The following MAGI2 variants were observed in gnomAD, a reference collection of about 807,000 sequenced individuals.
MAGI2 encodes membrane associated guanylate kinase, WW and PDZ domain containing 2, also known as membrane-associated guanylate kinase, WW and PDZ domain-containing protein 2.
In MAGI2, 35 loss-of-function variants were observed where a neutral mutation model predicts 133.3. The ratio of observed to expected loss-of-function variants is 0.26; its 90% confidence interval spans 0.20 to 0.35. The LOEUF is 0.35. Ranked by LOEUF, MAGI2 falls within the 10% of genes least tolerant of loss-of-function variation. The pLI is 1.00. For missense variants in MAGI2, 1,636 were observed against 1,863.4 expected (o/e 0.88, Z 2.25); for synonymous variants, 729 against 710.6 (o/e 1.03, Z -0.41).
rs375383240 is a variant in MAGI2 at position 78,231,403 on chromosome 7, C to T, written c.2047+24540G>A. On this transcript the variant is annotated intron_variant, in intron 10 of 21. Coordinates refer to ENST00000354212, the MANE Select transcript of MAGI2 (RefSeq NM_012301.4). ...AGCTGGGTGTTTTTGCATTCCTGGC[C>T]CCTGCGCTCTAAATGCCAGTAAGAA... is the stretch of plus-strand genomic sequence containing the variant. 2.0e-5 allele frequency among the ~76,000 whole-genome samples: 3 copies of T among 152,308 alleles called. No homozygotes were observed. The East Asian group carries it at 5.8e-4, about 29-fold the overall frequency.
chr7:79,196,946 T>TTA lies in MAGI2; in HGVS notation c.302-189742_302-189741dup, dbSNP rs566220274. 9.3e-3 allele frequency among the ~76,000 whole-genome samples: 1,413 copies of TTA among 151,730 alleles called. 30 individuals are homozygous for TTA. The highest frequency in any genetic ancestry group is 0.039 in the East Asian group (200 of 5,144). Reference sequence around the variant, plus strand: ...CCATGCCTAGTTAATTTTTGATTTTTTATATATATAGAGAGAGAGAGACTG... The same window carrying TTA: ...CCATGCCTAGTTAATTTTTGATTTTTTATATATATATAGAGAGAGAGAGACTG... On this transcript the variant is annotated intron_variant, in intron 1 of 21. Transcript: ENST00000354212.
intron 2 of MAGI2, among the ~76,000 whole-genome samples, chr7:79,000,858 G>A (rs928753865): frequency 3.9e-5 from 6 of 152,166 alleles, no homozygotes; most frequent in African/African-American, 1.4e-4. Context: ...GCGTAACTCA[G>A]TGTAATTCAA....
In MAGI2 at chr7:79,277,328, A is replaced by G. The variant is rs546750993; in HGVS notation, c.301+175692T>C. Among the ~76,000 whole-genome samples, 24 of 152,248 alleles carry G rather than the reference A, an allele frequency of 1.6e-4. No homozygotes were observed. The South Asian group carries it at 4.6e-3, about 29-fold the overall frequency. On this transcript the variant is annotated intron_variant, in intron 1 of 21. Transcript: ENST00000354212. ...CAATAAAATTTTTTAGTTAAAATAC[A>G]TACATTGTGTTTTTTTAGACATAAT... is the stretch of plus-strand genomic sequence containing the variant.
chr7:78,110,599 T>A (rs1009954088), intron 20 of MAGI2, among the ~76,000 whole-genome samples: 2 of 152,220 alleles, frequency 1.3e-5, no homozygotes, highest in Non-Finnish European at 2.9e-5. Flanking sequence ...GCAGGGGTGA[T>A]CCCCATATGG....
chr7:78,355,714 A>G (rs1462355017), intron 7 of MAGI2, among the ~76,000 whole-genome samples: 1 of 152,192 alleles, frequency 6.6e-6, no homozygotes, highest in African/African-American at 2.4e-5. Context: ...GACATGGGCT[A>G]TGTCTGGTAA....
chr7:79,444,966 G>C (rs1418767685), intron 1 of MAGI2, among the ~76,000 whole-genome samples: 2 of 152,086 alleles, frequency 1.3e-5, no homozygotes, highest in Non-Finnish European at 2.9e-5. Flanking sequence ...CCAAAACAGA[G>C]ATATAGACCA....
intron 9 of MAGI2, among the ~76,000 whole-genome samples, chr7:78,342,031 G>A (rs1232116787): frequency 6.6e-6 from 1 of 152,006 alleles, no homozygotes; most frequent in Non-Finnish European, 1.5e-5. Context: ...GCAACCTACA[G>A]AATGGGAGAA....
chr7:79,187,957 A>C (rs1023346121), intron 1 of MAGI2, among the ~76,000 whole-genome samples: 1 of 151,852 alleles, frequency 6.6e-6, no homozygotes, highest in Non-Finnish European at 1.5e-5. Context: ...AAATACAATA[A>C]TATTTTAGGC....
intron 9 of MAGI2, among the ~76,000 whole-genome samples, chr7:78,290,607 C>T (rs1298879563): frequency 6.6e-6 from 1 of 152,182 alleles, no homozygotes; most frequent in Non-Finnish European, 1.5e-5. Flanking sequence ...TAGACATCTA[C>T]AGAACTCTCC....
At chr7:78,445,746 C>T (rs1788068805) in intron 6 of MAGI2, among the ~76,000 whole-genome samples, 1 of 151,864 alleles carries the variant, frequency 6.6e-6, no homozygotes, top group Non-Finnish European at 1.5e-5. Flanking sequence ...TATTTGTAAG[C>T]TTAAATGTGA....
intron 2 of MAGI2, among the ~76,000 whole-genome samples, chr7:78,830,062 C>T (rs959270879): frequency 6.6e-6 from 1 of 152,014 alleles, no homozygotes; most frequent in Non-Finnish European, 1.5e-5. Context: ...TTTCTATTAA[C>T]ATTTCCATAA....
intron 21 of MAGI2, among the ~76,000 whole-genome samples, chr7:78,033,139 A>C (rs1809769413): frequency 6.6e-6 from 1 of 152,062 alleles, no homozygotes; most frequent in African/African-American, 2.4e-5. Flanking sequence ...ATCGTGATGG[A>C]GGTAGTGAGA....
At chr7:78,976,481 A>C (rs768232621) in intron 2 of MAGI2, among the ~76,000 whole-genome samples, 4 of 151,472 alleles carry the variant, frequency 2.6e-5, no homozygotes, top group Non-Finnish European at 5.9e-5. Context: ...ATAAATAAAT[A>C]AATCACCTAA....
intron 6 of MAGI2, among the ~76,000 whole-genome samples, chr7:78,420,528 C>T (rs1798700179): frequency 6.7e-6 from 1 of 149,572 alleles, no homozygotes; most frequent in Non-Finnish European, 1.5e-5. Flanking sequence ...TTGTTTGACT[C>T]AACCTACAAT....
At chr7:79,343,550 A>AC (rs571808101) in intron 1 of MAGI2, among the ~76,000 whole-genome samples, 1 of 3,070 alleles carries the variant, frequency 3.3e-4, no homozygotes, top group African/African-American at 1.1e-3. Context: ...ATTTTCTTTA[A>AC]AAAAAAAAAA....
chr7:78,521,607 C>G lies in MAGI2; in HGVS notation c.577G>C (p.Ala193Pro), dbSNP rs2150586004. 6.2e-7 allele frequency: 1 copy of G among 1,614,090 alleles called. No homozygotes were observed. The highest frequency in any genetic ancestry group is 2.2e-5 in the East Asian group (1 of 44,866). The change falls in exon 4 of 22, where the codon GCA (alanine) becomes CCA (proline). Residue 193 changes from alanine (A) to proline (P), a missense_variant. Physicochemically the swap from Ala to Pro is conservative, Grantham distance 27 (BLOSUM62 -1). Transcript: ENST00000354212. ...TCTGTTACATTTAACAATAATGGTG[C>G]TGGTTCTGCTGGCGGCTTTGGGGTA... Reference protein sequence around the residue: ...YGTPKPPAEPAPLLLNVTDQI... With the variant: ...YGTPKPPAEPPPLLLNVTDQI...
At chr7:78,534,843 A>G (rs1443178716) in intron 3 of MAGI2, among the ~76,000 whole-genome samples, 1 of 152,176 alleles carries the variant, frequency 6.6e-6, no homozygotes, top group Non-Finnish European at 1.5e-5. Context: ...TTAGAAAAAA[A>G]AATGAGTAAG....
At chr7:79,417,633 G>A (rs1171466615) in intron 1 of MAGI2, among the ~76,000 whole-genome samples, 1 of 151,952 alleles carries the variant, frequency 6.6e-6, no homozygotes, top group Non-Finnish European at 1.5e-5. Flanking sequence ...ATATTTGCTG[G>A]CAATTATAAC....
intron 1 of MAGI2, among the ~76,000 whole-genome samples, chr7:79,321,024 G>A (rs1374773972): frequency 1.3e-5 from 2 of 152,142 alleles, no homozygotes; most frequent in Non-Finnish European, 2.9e-5. Flanking sequence ...ACTGCTGTGA[G>A]TATATTTACT....
Sources: allele counts gnomAD v4.1 joint callset (sites outside exome capture counted in the v4.1 genomes callset), GRCh38; gene constraint gnomAD v4.1.1; transcripts MANE v1.5; gene names NCBI Gene and HGNC (gene_info 2026-07-23, HGNC 2026-07-21).